VPS13B: variants seen among roughly 807,000 people sequenced by gnomAD.
The protein encoded by VPS13B is intermembrane lipid transfer protein VPS13B.
A neutral mutation model predicts 426.4 loss-of-function variants in VPS13B; 285 were observed. That is an observed-to-expected ratio of 0.67 (90% CI 0.61 to 0.74). VPS13B has a LOEUF of 0.74. Among genes scored for constraint, VPS13B ranks in the 30% least tolerant of loss-of-function variants. VPS13B has a pLI of 0.00. For missense variants in VPS13B, 4,537 were observed against 4,782.6 expected, an observed-to-expected ratio of 0.95 and a Z score of 1.51; for synonymous variants, 1,676 against 1,676.4, an observed-to-expected ratio of 1.00 and a Z score of 0.01.
chr8:99,457,824 T>A (rs1173551255), intron 23 of VPS13B, among the ~76,000 whole-genome samples: 2 of 152,208 alleles, frequency 1.3e-5, no homozygotes, highest in African/African-American at 4.8e-5. Flanking sequence ...ATTTTCCTTA[T>A]GATTTCTTCT....
At chr8:99,753,751 T>C (rs1163707933) in intron 39 of VPS13B, among the ~76,000 whole-genome samples, 1 of 152,190 alleles carries the variant, frequency 6.6e-6, no homozygotes, top group African/African-American at 2.4e-5. Context: ...TAAAAAGTAT[T>C]TCTCAGGGCT....
chr8:99,268,131 A>T (rs1818404016), intron 17 of VPS13B, among the ~76,000 whole-genome samples: 2 of 152,244 alleles, frequency 1.3e-5, no homozygotes, highest in East Asian at 1.9e-4. Context: ...ACCTCTGCTT[A>T]GATTTCAGAG....
chr8:99,731,940 A>G (rs979280228), intron 39 of VPS13B, among the ~76,000 whole-genome samples: 5 of 152,158 alleles, frequency 3.3e-5, no homozygotes, highest in Non-Finnish European at 2.9e-5. Context: ...TCCCCCTATT[A>G]CAATGAAGAA....
chr8:99,393,702 C>A (rs1362380111), intron 21 of VPS13B, among the ~76,000 whole-genome samples: 1 of 151,984 alleles, frequency 6.6e-6, no homozygotes, highest in Non-Finnish European at 1.5e-5. Flanking sequence ...AGGTAAAAGG[C>A]CTTGAGTATA....
intron 44 of VPS13B, among the ~76,000 whole-genome samples, chr8:99,814,136 A>T (rs1813882725): frequency 6.6e-6 from 1 of 152,158 alleles, no homozygotes; most frequent in African/African-American, 2.4e-5. Context: ...CAAGACCCCC[A>T]TCTAAAAATA....
At chr8:99,835,433 C>T in intron 53 of VPS13B, 106 bp from the exon 54 acceptor site, 2 of 1,490,276 alleles carry the variant, frequency 1.3e-6, no homozygotes, top group Non-Finnish European at 1.8e-6. Flanking sequence ...TAAATAAAAG[C>T]ATTAATGATC....
chr8:99,569,026 G>A (rs1225992952), intron 31 of VPS13B, among the ~76,000 whole-genome samples: 5 of 151,732 alleles, frequency 3.3e-5, no homozygotes, highest in African/African-American at 1.2e-4. Flanking sequence ...GTCTCACCAT[G>A]TTAGCCAGGA....
At chr8:99,743,713 C>A (rs948221492) in intron 39 of VPS13B, among the ~76,000 whole-genome samples, 2 of 152,138 alleles carry the variant, frequency 1.3e-5, no homozygotes, top group Non-Finnish European at 2.9e-5. Flanking sequence ...CTGACAAAAA[C>A]AAGCAATGGG....
intron 17 of VPS13B, among the ~76,000 whole-genome samples, chr8:99,270,645 T>G (rs1020754956): frequency 6.6e-6 from 1 of 152,210 alleles, no homozygotes; most frequent in African/African-American, 2.4e-5. Flanking sequence ...TACCGGAAAC[T>G]AATTCAGATT....
chr8:99,315,703 C>T (rs1809606721), intron 19 of VPS13B, among the ~76,000 whole-genome samples: 1 of 150,308 alleles, frequency 6.7e-6, no homozygotes, highest in African/African-American at 2.5e-5. Context: ...GTGGTGTGAT[C>T]TCTGTTAGCT....
chr8:99,652,467 G>T (rs1588589400), intron 34 of VPS13B, among the ~76,000 whole-genome samples: 2 of 151,858 alleles, frequency 1.3e-5, no homozygotes, highest in African/African-American at 4.8e-5. Flanking sequence ...TAAAGTAGTG[G>T]TTGTAAATGG....
intron 15 of VPS13B, among the ~76,000 whole-genome samples, chr8:99,157,795 G>A (rs1049213463): frequency 6.6e-6 from 1 of 152,166 alleles, no homozygotes; most frequent in African/African-American, 2.4e-5. Context: ...CAAAGGAAAA[G>A]TCTCCAGGAA....
intron 29 of VPS13B, among the ~76,000 whole-genome samples, chr8:99,513,204 T>A (rs1034627277): frequency 6.6e-6 from 1 of 152,040 alleles, no homozygotes; most frequent in African/African-American, 2.4e-5. Flanking sequence ...TATAAAACAT[T>A]CATTTTTCTA....
intron 19 of VPS13B, among the ~76,000 whole-genome samples, chr8:99,337,473 C>T (rs1286020681): frequency 2.0e-5 from 3 of 151,658 alleles, no homozygotes; most frequent in Non-Finnish European, 4.4e-5. Context: ...TGTAACTAAC[C>T]TGCACATTGT....
At chr8:99,521,966 G>A (rs1822398424) in intron 30 of VPS13B, among the ~76,000 whole-genome samples, 1 of 151,830 alleles carries the variant, frequency 6.6e-6, no homozygotes, top group Admixed American at 6.6e-5. Context: ...GTATTTAATA[G>A]TATTCACCCC....
In VPS13B at chr8:99,877,384, T is replaced by C. The variant is rs1817742330; in HGVS notation, c.*1718T>C. On this transcript the variant is annotated 3_prime_UTR_variant, in exon 62 of 62. Transcript: ENST00000357162. ...TTTATGGTAATTTTGCATATTGATA[T>C]GAATTATATAAAATTGTTTAAAATA... 1 of 152,664 alleles carries C rather than the reference T, an allele frequency of 6.6e-6. No individual in the cohort carries two copies. Among genetic ancestry groups the C allele is most frequent in the African/African-American group, 2.4e-5 (1 of 41,452 alleles). 9.5% of individuals were successfully genotyped at this position (152,664 alleles called of 1,614,324 possible). A position where few individuals can be genotyped will look rare whatever the true frequency, so the allele number is the denominator to read the frequency against.
At chr8:99,481,256 A>G (rs1348721384) in intron 24 of VPS13B, among the ~76,000 whole-genome samples, 3 of 152,192 alleles carry the variant, frequency 2.0e-5, no homozygotes, top group Non-Finnish European at 2.9e-5. Flanking sequence ...AATTACATTT[A>G]CTAGAACGCC....
intron 34 of VPS13B, among the ~76,000 whole-genome samples, chr8:99,646,759 C>A (rs1162020610): frequency 1.3e-5 from 2 of 152,056 alleles, no homozygotes; most frequent in Non-Finnish European, 2.9e-5. Flanking sequence ...TAAGTAAGTT[C>A]TTGCTCTGGG....
intron 8 of VPS13B, among the ~76,000 whole-genome samples, chr8:99,126,866 G>A (rs1848206213): frequency 6.6e-6 from 1 of 152,182 alleles, no homozygotes; most frequent in Admixed American, 6.5e-5. Context: ...GGCCAAAGCA[G>A]GCGGATCACT....
Sources: allele counts gnomAD v4.1 joint callset (sites outside exome capture counted in the v4.1 genomes callset), GRCh38; gene constraint gnomAD v4.1.1; transcripts MANE v1.5; gene names NCBI Gene and HGNC (gene_info 2026-07-23, HGNC 2026-07-21).